Variants in FHOD3 observed in about 807,000 individuals in gnomAD.
FHOD3 encodes the protein FH1/FH2 domain-containing protein 3.
Under a neutral mutation model 173.0 loss-of-function variants are expected in FHOD3, and 90 were observed. That is an observed-to-expected ratio of 0.52 (90% CI 0.44 to 0.62). The LOEUF (loss-of-function observed/expected upper bound fraction) is 0.62. FHOD3 is among the 20% of genes least tolerant of loss of function. The probability of loss-of-function intolerance (pLI) is 0.00; values close to 1 mark genes in which losing one functional copy is unlikely to be tolerated. For missense variants in FHOD3, 1,945 were observed against 2,034.7 expected (o/e 0.96, Z 0.85); for synonymous variants, 828 against 823.0 (o/e 1.01, Z -0.10).
chr18:36,543,028 G>A (rs2057284675), intron 5 of FHOD3, among the ~76,000 whole-genome samples: 1 of 152,156 alleles, frequency 6.6e-6, no homozygotes, highest in Non-Finnish European at 1.5e-5. Context: ...CTTCCATTAT[G>A]TGGGTGAACC....
chr18:36,634,849 T>G (rs779181071), intron 10 of FHOD3, among the ~76,000 whole-genome samples: 2 of 152,238 alleles, frequency 1.3e-5, no homozygotes, highest in African/African-American at 2.4e-5. Context: ...TAAATGAATA[T>G]GGACGTGAAT....
At chr18:36,419,280 T>G (rs1318028722) in intron 3 of FHOD3, among the ~76,000 whole-genome samples, 1 of 151,900 alleles carries the variant, frequency 6.6e-6, no homozygotes, top group Non-Finnish European at 1.5e-5. Context: ...TCCACTTTTC[T>G]CTATTTGGCT....
At chr18:36,569,980 G>A (rs114672920) in intron 5 of FHOD3, among the ~76,000 whole-genome samples, 222 of 152,062 alleles carry the variant, frequency 1.5e-3, no homozygotes, top group African/African-American at 5.2e-3. Flanking sequence ...AATAATGTAA[G>A]CACCTACCTT....
intron 5 of FHOD3, among the ~76,000 whole-genome samples, chr18:36,527,203 G>T (rs546513170): frequency 2.6e-5 from 4 of 152,168 alleles, no homozygotes; most frequent in African/African-American, 4.8e-5. Flanking sequence ...TGGTCAACTC[G>T]TGGGCAATGC....
At chr18:36,441,209 G>C (rs184823616) in intron 3 of FHOD3, among the ~76,000 whole-genome samples, 1 of 152,194 alleles carries the variant, frequency 6.6e-6, no homozygotes, top group East Asian at 1.9e-4. Context: ...ATGCCCCAGA[G>C]CTGGATGTTG....
At chr18:36,486,031 T>C (rs572761436) in intron 3 of FHOD3, among the ~76,000 whole-genome samples, 39 of 152,354 alleles carry the variant, frequency 2.6e-4, no homozygotes, top group African/African-American at 9.4e-4. Flanking sequence ...TACCTGGGAC[T>C]CTGTCTTTCC....
At chr18:36,586,507 CAG>C (rs1399028615) in intron 6 of FHOD3, among the ~76,000 whole-genome samples, 2 of 148,624 alleles carry the variant, frequency 1.3e-5, no homozygotes, top group East Asian at 2.0e-4. Flanking sequence ...TTTTTTGAGA[CAG>C]AGTCTCACTC....
In FHOD3 at chr18:36,732,464, G is replaced by T. The variant is rs143391638; in HGVS notation, c.3576+1660G>T. On this transcript the variant is annotated intron_variant, in intron 20 of 28. Transcript: ENST00000590592. ...CCTGGCAGAAGAAGTTGTTCCCTGA[G>T]CTCTGGAGCCAAGCCAGGCAGCAAA... Among the ~76,000 whole-genome samples, 258 of 152,322 alleles carry T rather than the reference G, an allele frequency of 1.7e-3. 1 individual carries two copies. The highest frequency in any genetic ancestry group is 5.9e-3 in the African/African-American group (244 of 41,568).
At chr18:36,337,833 G>A (rs149023917) in intron 1 of FHOD3, among the ~76,000 whole-genome samples, 358 of 152,262 alleles carry the variant, frequency 2.4e-3, no homozygotes, top group Non-Finnish European at 3.9e-3. Context: ...CAGGACTCCC[G>A]TAATCTGCAT....
chr18:36,584,929 C>T (rs577113038), intron 6 of FHOD3, among the ~76,000 whole-genome samples: 3 of 152,046 alleles, frequency 2.0e-5, no homozygotes, highest in Non-Finnish European at 4.4e-5. Flanking sequence ...ATAAAAATTA[C>T]CTAGAAACAC....
intron 1 of FHOD3, among the ~76,000 whole-genome samples, chr18:36,342,984 AT>A (rs1235372615): frequency 6.6e-6 from 1 of 152,256 alleles, no homozygotes; most frequent in Non-Finnish European, 1.5e-5. Flanking sequence ...TTTCACATTT[AT>A]TAGGATTGCC....
At chr18:36,456,000 A>C (rs946242241) in intron 3 of FHOD3, among the ~76,000 whole-genome samples, 9 of 151,860 alleles carry the variant, frequency 5.9e-5, no homozygotes, top group African/African-American at 2.2e-4. Flanking sequence ...GGCCATGTGC[A>C]CCCCGAGTTG....
intron 5 of FHOD3, among the ~76,000 whole-genome samples, chr18:36,517,021 C>T (rs2056024905): frequency 6.6e-6 from 1 of 152,032 alleles, no homozygotes; most frequent in Non-Finnish European, 1.5e-5. Flanking sequence ...GAATCCGCTG[C>T]TTTCCTTTGA....
rs182482272 is a variant in FHOD3 at position 36,581,248 on chromosome 18, G to C, written c.606+4703G>C. The stretch of plus-strand genomic sequence containing the variant: ...AGGCCCATGACTTATCACAGGATGT[G>C]GATTTTTTTCTCTTCATACATCTGG... On this transcript the variant is annotated intron_variant, in intron 6 of 28. Coordinates refer to ENST00000590592, the MANE Select transcript of FHOD3 (RefSeq NM_001281740.3). Among the ~76,000 whole-genome samples the C allele has an allele frequency of 1.1e-4, 16 of 152,334 alleles. No homozygotes were observed. In the East Asian group the frequency reaches 2.9e-3, roughly 28 times the overall value.
intron 23 of FHOD3, among the ~76,000 whole-genome samples, chr18:36,744,649 C>A (rs1219675798): frequency 6.6e-6 from 1 of 152,196 alleles, no homozygotes; most frequent in Non-Finnish European, 1.5e-5. Context: ...ATAGGCAGTC[C>A]CTATGATCTT....
At chr18:36,461,411 G>T (rs577261715) in intron 3 of FHOD3, among the ~76,000 whole-genome samples, 25 of 151,444 alleles carry the variant, frequency 1.7e-4, no homozygotes, top group African/African-American at 5.1e-4. Flanking sequence ...ATCTGTGAAG[G>T]TTAGGGGAAC....
At chr18:36,672,574 G>A (rs920879638) in intron 14 of FHOD3, among the ~76,000 whole-genome samples, 17 of 152,174 alleles carry the variant, frequency 1.1e-4, no homozygotes, top group African/African-American at 3.6e-4. Context: ...AAGCCCCGGC[G>A]TGCAGATACT....
chr18:36,361,493 C>G (rs1438152274), intron 2 of FHOD3, among the ~76,000 whole-genome samples: 1 of 151,944 alleles, frequency 6.6e-6, no homozygotes, highest in Non-Finnish European at 1.5e-5. Flanking sequence ...CGCTACCAGC[C>G]TGGCCAACAT....
intron 3 of FHOD3, among the ~76,000 whole-genome samples, chr18:36,421,500 T>C (rs1035750223): frequency 6.6e-6 from 1 of 152,206 alleles, no homozygotes; most frequent in Non-Finnish European, 1.5e-5. Context: ...TTGCATATGA[T>C]TGGTTTTTAT....
Sources: allele counts gnomAD v4.1 joint callset (sites outside exome capture counted in the v4.1 genomes callset), GRCh38; gene constraint gnomAD v4.1.1; transcripts MANE v1.5; gene names NCBI Gene and HGNC (gene_info 2026-07-23, HGNC 2026-07-21).